The following ADCY9 variants were observed in gnomAD, a reference collection of about 807,000 sequenced individuals.
The protein encoded by ADCY9 is adenylate cyclase type 9.
A neutral mutation model predicts 101.5 loss-of-function variants in ADCY9; 50 were observed. That is an observed-to-expected ratio of 0.49 (90% confidence interval 0.39 to 0.62). ADCY9 has a LOEUF of 0.62. Among genes scored for constraint, ADCY9 ranks in the 20% least tolerant of loss-of-function variants. The pLI is 0.00. For synonymous variants in ADCY9, 905 were observed against 769.3 expected (o/e 1.18, Z -2.92); for missense variants, 1,662 against 1,800.4 (o/e 0.92, Z 1.39).
chr16:4,087,325 A>G (rs1332700462), intron 2 of ADCY9, among the ~76,000 whole-genome samples: 1 of 151,922 alleles, frequency 6.6e-6, no homozygotes, highest in African/African-American at 2.4e-5. Context: ...GGTTGAGACC[A>G]GGAGTTCGAG....
At chr16:4,020,699 G>A (rs1389846256) in intron 2 of ADCY9, among the ~76,000 whole-genome samples, 2 of 151,914 alleles carry the variant, frequency 1.3e-5, no homozygotes, top group Non-Finnish European at 1.5e-5. Flanking sequence ...GGTGGCACAC[G>A]TCTGTAGTCC....
chr16:4,095,193 G>C (rs964969267), intron 2 of ADCY9, among the ~76,000 whole-genome samples: 3 of 29,896 alleles, frequency 1.0e-4, no homozygotes, highest in African/African-American at 2.7e-4. Flanking sequence ...GTAGAGACAG[G>C]GTTTCGGACG....
intron 2 of ADCY9, among the ~76,000 whole-genome samples, chr16:4,104,763 T>C (rs907718794): frequency 6.6e-6 from 1 of 152,238 alleles, no homozygotes; most frequent in Non-Finnish European, 1.5e-5. Flanking sequence ...ACAAATTGAA[T>C]GCCAAAGCGG....
chr16:4,108,288 G>A (rs2057090597), intron 2 of ADCY9, among the ~76,000 whole-genome samples: 1 of 150,772 alleles, frequency 6.6e-6, no homozygotes, highest in South Asian at 2.1e-4. Context: ...CAACAGCCAC[G>A]GTTCCCTCAG....
At position 3,974,695 on chromosome 16, in the gene ADCY9, C is replaced by A. The variant is rs137924284; in HGVS notation, c.2844G>T (p.Ser948=). ...SLCPDSSVLT[S]PLDAVQNFSS... ...TGAAATTCTGTACTGCGTCAAGGGG[C>A]GAAGTTAATACAGAACTGAAATTAA... Residue 948 remains serine, a synonymous_variant, in exon 10 of 11, where the codon TCG becomes TCT. Transcript: ENST00000294016. The A allele has an allele frequency of 6.2e-6, 10 of 1,612,532 alleles. No homozygotes were observed. The highest frequency in any genetic ancestry group is 7.6e-6 in the Non-Finnish European group (9 of 1,178,882).
intron 10 of ADCY9, among the ~76,000 whole-genome samples, chr16:3,973,721 G>C (rs2056071233): frequency 6.6e-6 from 1 of 151,998 alleles, no homozygotes; most frequent in African/African-American, 2.4e-5. Context: ...TAGAACTCCA[G>C]GCCTCAAGTA....
chr16:4,044,369 A>G (rs1306138954), intron 2 of ADCY9, among the ~76,000 whole-genome samples: 1 of 152,112 alleles, frequency 6.6e-6, no homozygotes, highest in Non-Finnish European at 1.5e-5. Flanking sequence ...AAAACAAAAA[A>G]ACAAAAAAAA....
intron 2 of ADCY9, among the ~76,000 whole-genome samples, chr16:4,088,527 C>T (rs537227699): frequency 3.3e-5 from 5 of 152,050 alleles, no homozygotes; most frequent in East Asian, 3.9e-4. Context: ...TGAGCTCAAG[C>T]GATCTGCCCA....
Position 4,028,584 on chromosome 16 carries a change from G to A in ADCY9, c.1694-21026C>T, listed in dbSNP as rs1350703001. Among the ~76,000 whole-genome samples the A allele has an allele frequency of 2.0e-5, 3 of 152,170 alleles. No individual in the cohort carries two copies. The East Asian group carries it at 5.8e-4, about 29-fold the overall frequency. ...GACACAGAAAGTAGATTTGTGGTTT[G>A]GGACTGGAAGCAGGTATTGCCTGAA... On this transcript the variant is annotated intron_variant, in intron 2 of 10. Coordinates refer to ENST00000294016, the MANE Select transcript of ADCY9 (RefSeq NM_001116.4).
At chr16:4,033,963 A>C (rs1007042020) in intron 2 of ADCY9, among the ~76,000 whole-genome samples, 3 of 152,190 alleles carry the variant, frequency 2.0e-5, no homozygotes, top group Non-Finnish European at 1.5e-5. Context: ...AAATTCTATT[A>C]TTATTTGCTC....
Position 4,114,066 on chromosome 16 carries a change from G to T in ADCY9, c.1377C>A (p.Ala459=). 6.2e-7 allele frequency: 1 copy of T among 1,613,860 alleles called. No individual in the cohort carries two copies. Among genetic ancestry groups the T allele is most frequent in the South Asian group, 1.1e-5 (1 of 91,086 alleles). ...AGCPEPRADH[A]YCCIEMGLGM... is the part of the protein sequence containing the mutation. ...CCAGGCCCATCTCGATGCAGCAGTA[G>T]GCATGGTCGGCCCGGGGCTCGGGAC... Residue 459 remains alanine (A), a synonymous_variant, in exon 2 of 11, where the codon GCC becomes GCA. Transcript: ENST00000294016. This position sits in a 1 kb window ranked among gnomAD's most constrained non-coding sequence, Gnocchi z 4.3.
intron 2 of ADCY9, among the ~76,000 whole-genome samples, chr16:4,053,731 G>A (rs2056716987): frequency 6.6e-6 from 1 of 152,206 alleles, no homozygotes; most frequent in African/African-American, 2.4e-5. Flanking sequence ...CAGATGCGGA[G>A]GCCTGGGACG....
intron 2 of ADCY9, among the ~76,000 whole-genome samples, chr16:4,105,667 G>A (rs1255668511): frequency 1.6e-5 from 2 of 125,968 alleles, no homozygotes. Flanking sequence ...GCAAGAGTGA[G>A]ACTCCGTCTC....
At chr16:3,962,557 CACAGATCGCAGAAA>C (rs556235689), downstream of ADCY9, 8 of 152,258 alleles carry the variant, frequency 5.3e-5, no homozygotes, top group African/African-American at 1.9e-4. Flanking sequence ...CCAGGTGAGC[CACAGATCGCAGAAA>C]ACACGAGCTG....
chr16:3,996,421 T>G (rs1288006879), intron 3 of ADCY9, among the ~76,000 whole-genome samples: 3 of 152,160 alleles, frequency 2.0e-5, no homozygotes, highest in African/African-American at 7.2e-5. Context: ...CTGCTCTTAT[T>G]AAATGTAAAA....
chr16:4,003,438 G>A (rs1304027929), intron 3 of ADCY9, among the ~76,000 whole-genome samples: 1 of 152,134 alleles, frequency 6.6e-6, no homozygotes, highest in Non-Finnish European at 1.5e-5. Context: ...TCTCAGCCCT[G>A]GCGTCCACAG....
chr16:4,043,544 C>A (rs577545447), intron 2 of ADCY9, among the ~76,000 whole-genome samples: 1 of 150,922 alleles, frequency 6.6e-6, no homozygotes, highest in Admixed American at 6.6e-5. Context: ...CATGGTGGCA[C>A]GTGCCTGTAA....
chr16:4,033,662 G>T (rs867713983), intron 2 of ADCY9, among the ~76,000 whole-genome samples: 1 of 152,062 alleles, frequency 6.6e-6, no homozygotes, highest in Non-Finnish European at 1.5e-5. Context: ...TGATCCACCC[G>T]CCTCGGCCTC....
At position 3,965,760 on chromosome 16, in the gene ADCY9, C is replaced by T. The variant is rs369324261; in HGVS notation, c.*15G>A. ...TCGACAAACAGAGCACCTCGGGCAG[C>T]GGGTGGGCGCCGCCTCACACACTCT... On this transcript the variant is annotated 3_prime_UTR_variant, in exon 11 of 11. Transcript: ENST00000294016. The T allele has an allele frequency of 4.9e-5, 78 of 1,592,884 alleles. No individual in the cohort carries two copies. Among genetic ancestry groups the T allele is most frequent in the South Asian group, 7.9e-5 (7 of 88,754 alleles).
Sources: gnomAD v4.1 joint callset for allele counts (sites outside exome capture counted in the v4.1 genomes callset) on GRCh38, gnomAD v4.1.1 for gene constraint, Gnocchi (gnomAD v3.1) non-coding constraint, MANE v1.5 for transcripts, NCBI Gene and HGNC (gene_info 2026-07-23, HGNC 2026-07-21) for gene names.